Variants in ZNF438 observed in about 807,000 individuals in gnomAD.
ZNF438 encodes the protein zinc finger protein 438.
In ZNF438, 25 loss-of-function variants were observed where a neutral mutation model predicts 38.0. That is an observed-to-expected ratio of 0.66 (90% CI 0.48 to 0.92). The LOEUF is 0.92. Among genes scored for constraint, ZNF438 ranks in the 40% least tolerant of loss-of-function variants. The pLI, the probability that ZNF438 is intolerant of heterozygous loss-of-function variation, is 0.00. For synonymous variants in ZNF438, 372 were observed against 364.1 expected (o/e 1.02, Z -0.25); for missense variants, 1,007 against 999.6 (o/e 1.01, Z -0.10).
chr10:30,994,585 C>T (rs142664894), intron 1 of ZNF438, among the ~76,000 whole-genome samples: 7 of 152,252 alleles, frequency 4.6e-5, no homozygotes, highest in South Asian at 2.1e-4. Context: ...ACCAGAGGCT[C>T]GCACCATGCT....
In ZNF438 at chr10:30,939,981, T is replaced by C. The variant is rs143253326; in HGVS notation, c.-115+1594A>G. On this transcript the variant is annotated intron_variant, in intron 2 of 5. Coordinates refer to ENST00000413025, the Ensembl canonical transcript of ZNF438. ...AAACAACAGAACTAGACATGAACTT[T>C]TGGAATACAGTGCATTTCTTGGGTC... 3.4e-3 allele frequency among the ~76,000 whole-genome samples: 517 copies of C among 152,312 alleles called. 5 individuals are homozygous for C. The highest frequency in any genetic ancestry group is 0.011 in the African/African-American group (455 of 41,562).
At chr10:31,018,514 A>T (rs1453413558) in intron 1 of ZNF438, among the ~76,000 whole-genome samples, 1 of 152,190 alleles carries the variant, frequency 6.6e-6, no homozygotes, top group African/African-American at 2.4e-5. Context: ...AAGGGTCACC[A>T]GTTTTCCAGC....
chr10:30,848,571 T>C (rs1398226849), exon 5 of ZNF438: 2 of 1,614,102 alleles, frequency 1.2e-6, no homozygotes, highest in Non-Finnish European at 1.7e-6. Context: ...CTCATGTCTC[T>C]GTTCTTTGGT....
At chr10:30,965,667 A>T (rs1471731952) in intron 1 of ZNF438, among the ~76,000 whole-genome samples, 1 of 152,234 alleles carries the variant, frequency 6.6e-6, no homozygotes, top group African/African-American at 2.4e-5. Flanking sequence ...CAGAAAATTA[A>T]GTACTGCATG....
intron 1 of ZNF438, among the ~76,000 whole-genome samples, chr10:30,964,621 T>C (rs2049914891): frequency 6.6e-6 from 1 of 152,242 alleles, no homozygotes; most frequent in Non-Finnish European, 1.5e-5. Context: ...TAACAGATTA[T>C]CTTTAATCGA....
chr10:30,990,783 T>A (rs569895782), intron 1 of ZNF438, among the ~76,000 whole-genome samples: 12 of 152,150 alleles, frequency 7.9e-5, no homozygotes, highest in Non-Finnish European at 1.6e-4. Flanking sequence ...TGTATGAAAC[T>A]TAAAGGGATG....
intron 1 of ZNF438, among the ~76,000 whole-genome samples, chr10:30,978,650 T>C (rs530784994): frequency 1.3e-5 from 2 of 152,320 alleles, no homozygotes; most frequent in Admixed American, 1.3e-4. Flanking sequence ...CAACAACTTG[T>C]CCACTGTTTG....
chr10:30,863,019 A>G (rs1427845000), intron 4 of ZNF438, among the ~76,000 whole-genome samples: 2 of 152,246 alleles, frequency 1.3e-5, no homozygotes, highest in Non-Finnish European at 2.9e-5. Flanking sequence ...CTGCTGATTT[A>G]TCTTTAACTC....
chr10:30,911,018 G>A lies in ZNF438; in HGVS notation c.-114-2003C>T, dbSNP rs142059901. On this transcript the variant is annotated intron_variant, in intron 2 of 5. Coordinates refer to ENST00000413025, the Ensembl canonical transcript of ZNF438. ...GAAAAATAAATACATATAATGTTTC[G>A]TTTATGATTCACACTTCTCAGTTAC... 1.0e-3 allele frequency among the ~76,000 whole-genome samples: 155 copies of A among 151,982 alleles called. 1 individual carries two copies. Among genetic ancestry groups the A allele is most frequent in the Middle Eastern group, 3.4e-3 (1 of 294 alleles).
chr10:30,970,740 G>A (rs1289839971), intron 1 of ZNF438, among the ~76,000 whole-genome samples: 1 of 152,130 alleles, frequency 6.6e-6, no homozygotes, highest in Non-Finnish European at 1.5e-5. Flanking sequence ...AGGGCACAAT[G>A]GAAGACTTCT....
intron 2 of ZNF438, among the ~76,000 whole-genome samples, chr10:30,933,937 G>A (rs2045956116): frequency 2.0e-5 from 3 of 152,048 alleles, no homozygotes; most frequent in Non-Finnish European, 4.4e-5. Flanking sequence ...ACGAGGTCAG[G>A]AGATCGAGAC....
intron 1 of ZNF438, among the ~76,000 whole-genome samples, chr10:31,020,675 T>C (rs2056528659): frequency 6.6e-6 from 1 of 151,138 alleles, no homozygotes; most frequent in Non-Finnish European, 1.5e-5. Flanking sequence ...TATAAATTTA[T>C]AAAGTTTAAC....
chr10:30,984,806 T>G (rs2052593072), intron 1 of ZNF438, among the ~76,000 whole-genome samples: 1 of 152,208 alleles, frequency 6.6e-6, no homozygotes, highest in Non-Finnish European at 1.5e-5. Flanking sequence ...AGGAAAACAG[T>G]AATCAAGAGT....
At chr10:30,888,344 A>AACACAAACACACACACACACAC (rs1554832408) in intron 3 of ZNF438, among the ~76,000 whole-genome samples, 1 of 147,296 alleles carries the variant, frequency 6.8e-6, no homozygotes, top group Non-Finnish European at 1.5e-5. Context: ...TAATATTATA[A>AACACAAACACACACACACACAC]ACACACACAC....
At chr10:30,922,091 G>GT (rs1350818683) in intron 2 of ZNF438, among the ~76,000 whole-genome samples, 1 of 152,118 alleles carries the variant, frequency 6.6e-6, no homozygotes, top group Non-Finnish European at 1.5e-5. Flanking sequence ...GATAAATTGA[G>GT]TGTATTGTAG....
intron 1 of ZNF438, among the ~76,000 whole-genome samples, chr10:30,955,029 T>A (rs980263878): frequency 6.6e-6 from 1 of 152,232 alleles, no homozygotes; most frequent in Non-Finnish European, 1.5e-5. Context: ...TAAAGCTGTA[T>A]GTTTCCTGTT....
rs548798244 is a variant in ZNF438, at chr10:30,903,033, G to C, written c.-32+5900C>G. ...CCGGATGCACCCTCCGCAGCTGCTG[G>C]CCCAGGTCCTAATCCCCTCACTGCC... On this transcript the variant is annotated intron_variant, in intron 3 of 5. Coordinates refer to ENST00000413025, the Ensembl canonical transcript of ZNF438. 1.1e-4 allele frequency among the ~76,000 whole-genome samples: 17 copies of C among 152,236 alleles called. No individual in the cohort carries two copies. The South Asian group carries it at 1.2e-3, about 11-fold the overall frequency.
intron 3 of ZNF438, among the ~76,000 whole-genome samples, chr10:30,894,061 A>C (rs1427707290): frequency 2.6e-5 from 4 of 152,186 alleles, no homozygotes. Context: ...CCACTCAAAA[A>C]CTTGAATTTT....
At chr10:30,968,140 T>C (rs1268671140) in intron 1 of ZNF438, among the ~76,000 whole-genome samples, 2 of 152,144 alleles carry the variant, frequency 1.3e-5, no homozygotes, top group Admixed American at 6.5e-5. Context: ...TACCCAACAG[T>C]GCCCTAAGTA....
Sources: gnomAD v4.1 joint callset for allele counts (sites outside exome capture counted in the v4.1 genomes callset) on GRCh38, gnomAD v4.1.1 for gene constraint, MANE v1.5 for transcripts, NCBI Gene and HGNC (gene_info 2026-07-23, HGNC 2026-07-21) for gene names.